The following VSTM2L variants were observed in gnomAD, a reference collection of about 807,000 sequenced individuals.
The protein encoded by VSTM2L is V-set and transmembrane domain-containing protein 2-like protein.
A neutral mutation model predicts 19.9 loss-of-function variants in VSTM2L; 9 were observed. The ratio of observed to expected loss-of-function variants is 0.45; its 90% CI spans 0.27 to 0.79. The LOEUF (loss-of-function observed/expected upper bound fraction) is 0.79, where lower values mean the gene tolerates loss of function less well. Among genes scored for constraint, VSTM2L ranks in the 30% least tolerant of loss-of-function variants. The pLI is 0.15. For synonymous variants in VSTM2L, 127 were observed against 133.8 expected, an observed-to-expected ratio of 0.95 and a Z score of 0.35; for missense variants, 286 against 295.5, an observed-to-expected ratio of 0.97 and a Z score of 0.24.
chr20:37,932,334 C>A (rs2072915258), intron 2 of VSTM2L, among the ~76,000 whole-genome samples: 1 of 152,186 alleles, frequency 6.6e-6, no homozygotes, highest in South Asian at 2.1e-4. Flanking sequence ...AGAGCAGATG[C>A]TGTGGGGGCT....
At chr20:37,931,925 A>G in intron 2 of VSTM2L, 121 bp downstream of exon 2, 2 of 1,161,956 alleles carry the variant, frequency 1.7e-6, no homozygotes, top group Non-Finnish European at 2.4e-6. Context: ...TCTCCACACC[A>G]CACAGCTGTC....
intron 1 of VSTM2L, among the ~76,000 whole-genome samples, chr20:37,930,212 G>A (rs1018590742): frequency 1.1e-4 from 17 of 152,216 alleles, no homozygotes; most frequent in Admixed American, 4.6e-4. Context: ...GAGGAGAAAC[G>A]GCAGAAGTTT....
chr20:37,930,305 C>T (rs1399539577), intron 1 of VSTM2L, among the ~76,000 whole-genome samples: 1 of 152,136 alleles, frequency 6.6e-6, no homozygotes, highest in Non-Finnish European at 1.5e-5. Flanking sequence ...AGAGCAGGGG[C>T]CTGAATCTAG....
intron 3 of VSTM2L, among the ~76,000 whole-genome samples, chr20:37,935,219 C>A (rs190592971): frequency 6.6e-6 from 1 of 152,168 alleles, no homozygotes; most frequent in Admixed American, 6.5e-5. Flanking sequence ...TGTGCAATTA[C>A]CCCCAGCCCC....
In VSTM2L at chr20:37,944,779, G is replaced by A; in HGVS notation, c.*526G>A. The A allele has an allele frequency of 1.0e-6, 1 of 986,428 alleles. No homozygotes were observed. Among genetic ancestry groups the A allele is most frequent in the Non-Finnish European group, 1.2e-6 (1 of 830,440 alleles). 61.1% of individuals were successfully genotyped at this position (986,428 alleles called of 1,614,324 possible). ...AACCCAGGAGGGCCCTTCTGGGGCA[G>A]TGGCTCTGCAGGGTCACTCATGGAG... is the stretch of plus-strand genomic sequence containing the variant. On this transcript the variant is annotated 3_prime_UTR_variant, in exon 4 of 4. Transcript: ENST00000373461.
chr20:37,931,549 A>G lies in VSTM2L; in HGVS notation c.122-86A>G, dbSNP rs1600571317. On this transcript the variant is annotated intron_variant, in intron 1 of 3. Coordinates refer to ENST00000373461, the MANE Select transcript of VSTM2L (RefSeq NM_080607.3). ...CACCCATCCCCCGCCGTGCAGGGCC[A>G]GCTGTTCCTACGTTCTCCACCTCCT... is the stretch of plus-strand genomic sequence containing the variant. 5.7e-6 allele frequency: 6 copies of G among 1,045,208 alleles called. No individual in the cohort carries two copies. In the East Asian group the frequency reaches 2.3e-4, roughly 40 times the overall value. 64.7% of individuals were successfully genotyped at this position (1,045,208 alleles called of 1,614,324 possible). A position where few individuals can be genotyped will look rare whatever the true frequency, so the allele number is the denominator to read the frequency against.
intron 1 of VSTM2L, among the ~76,000 whole-genome samples, chr20:37,915,470 A>G (rs970381191): frequency 5.9e-5 from 9 of 152,022 alleles, no homozygotes; most frequent in African/African-American, 2.2e-4. Flanking sequence ...GAGCTTCTTC[A>G]AGTAGAGCCA....
At chr20:37,911,235 CAAAAAAAAAAAAAAA>C (rs11352183) in intron 1 of VSTM2L, among the ~76,000 whole-genome samples, 1 of 45,772 alleles carries the variant, frequency 2.2e-5, no homozygotes, top group Non-Finnish European at 3.8e-5. Flanking sequence ...GACTCCATCT[CAAAAAAAAAAAAAAA>C]AAAAAAAAAG....
chr20:37,931,456 G>A (rs1159082653), intron 1 of VSTM2L, among the ~76,000 whole-genome samples, 179 bp from the exon 2 acceptor site: 1 of 152,148 alleles, frequency 6.6e-6, no homozygotes, highest in African/African-American at 2.4e-5. Context: ...GCCTTGCTGA[G>A]CTTCTTGGGT....
chr20:37,914,979 T>TA (rs1185761504), intron 1 of VSTM2L, among the ~76,000 whole-genome samples: 2 of 152,110 alleles, frequency 1.3e-5, no homozygotes, highest in East Asian at 1.9e-4. Flanking sequence ...TGTGAGGTTT[T>TA]AAAAAAATCA....
chr20:37,942,688 G>A (rs1198766149), intron 3 of VSTM2L, among the ~76,000 whole-genome samples: 1 of 152,242 alleles, frequency 6.6e-6, no homozygotes, highest in Non-Finnish European at 1.5e-5. Flanking sequence ...AGGGGGTCAC[G>A]AGTGTTCCAT....
At chr20:37,916,912 G>A (rs2072821732) in intron 1 of VSTM2L, among the ~76,000 whole-genome samples, 1 of 152,214 alleles carries the variant, frequency 6.6e-6, no homozygotes, top group African/African-American at 2.4e-5. Context: ...CCAGGGGTTA[G>A]GGGAGAGTGG....
chr20:37,933,698 G>A (rs948370827), intron 3 of VSTM2L, 109 bp downstream of exon 3: 4 of 1,094,480 alleles, frequency 3.7e-6, no homozygotes, highest in South Asian at 3.0e-5. Flanking sequence ...GAAGATGGAA[G>A]AGAAGAAAAA....
At chr20:37,942,997 C>T (rs1397563647) in intron 3 of VSTM2L, among the ~76,000 whole-genome samples, 2 of 152,120 alleles carry the variant, frequency 1.3e-5, no homozygotes, top group African/African-American at 4.8e-5. Flanking sequence ...CGGAGTCTCG[C>T]GCTGTCGCCC....
chr20:37,922,920 AG>A (rs2072860318), intron 1 of VSTM2L, among the ~76,000 whole-genome samples: 1 of 149,226 alleles, frequency 6.7e-6, no homozygotes. Context: ...AGTAAAATAC[AG>A]ATGCGCCCAA....
intron 3 of VSTM2L, among the ~76,000 whole-genome samples, chr20:37,937,425 C>T (rs1416745997): frequency 6.6e-6 from 1 of 152,080 alleles, no homozygotes; most frequent in Non-Finnish European, 1.5e-5. Flanking sequence ...ATTTCCATGG[C>T]TCAGGCAAAC....
At chr20:37,926,590 G>A (rs369094298) in intron 1 of VSTM2L, among the ~76,000 whole-genome samples, 51 of 152,260 alleles carry the variant, frequency 3.3e-4, no homozygotes, top group South Asian at 1.2e-3. Context: ...AAGTAATTGC[G>A]GTTTTGACCA....
Position 37,944,084 on chromosome 20 carries a change from A to G in VSTM2L, c.446A>G (p.Asp149Gly). The stretch of plus-strand genomic sequence containing the variant: ...GAGTGCCGCGTCATCGACTTCAGCG[A>G]CGGCAAGGCCCGGCACCACAAGGTC... ...TYECRVIDFS[D>G]GKARHHKVKA... Residue 149 changes from aspartate (D) to glycine (G), a missense_variant, in exon 4 of 4, where the codon GAC (aspartate) becomes GGC (glycine). Physicochemically the swap from Asp to Gly is moderately conservative, Grantham distance 94. Coordinates refer to ENST00000373461, the MANE Select transcript of VSTM2L (RefSeq NM_080607.3). The G allele has an allele frequency of 1.2e-6, 2 of 1,613,036 alleles. No individual in the cohort carries two copies. Among genetic ancestry groups the G allele is most frequent in the Non-Finnish European group, 1.7e-6 (2 of 1,179,404 alleles).
intron 3 of VSTM2L, among the ~76,000 whole-genome samples, chr20:37,937,050 G>A (rs1390537414): frequency 2.6e-5 from 4 of 151,964 alleles, no homozygotes; most frequent in Non-Finnish European, 5.9e-5. Context: ...GTGACACCCC[G>A]TCTCTACTAA....
Sources: allele counts gnomAD v4.1 joint callset (sites outside exome capture counted in the v4.1 genomes callset), GRCh38; gene constraint gnomAD v4.1.1; transcripts MANE v1.5; gene names NCBI Gene and HGNC (gene_info 2026-07-23, HGNC 2026-07-21).